RAB27A: variants seen among roughly 807,000 people sequenced by gnomAD.
The protein encoded by RAB27A is ras-related protein Rab-27A.
In RAB27A, 17 loss-of-function variants were observed where a neutral mutation model predicts 20.8. The ratio of observed to expected loss-of-function variants is 0.82; its 90% CI spans 0.56 to 1.23. The LOEUF (loss-of-function observed/expected upper bound fraction) is 1.23. RAB27A is among the 50% of genes most tolerant of loss of function. The pLI is 0.00. For missense variants in RAB27A, 277 were observed against 266.7 expected, an observed-to-expected ratio of 1.04 and a Z score of -0.27; for synonymous variants, 85 against 92.8, an observed-to-expected ratio of 0.92 and a Z score of 0.48.
intron 2 of RAB27A, among the ~76,000 whole-genome samples, chr15:55,246,913 G>A (rs1343446080): frequency 1.3e-5 from 2 of 151,952 alleles, no homozygotes; most frequent in African/African-American, 2.4e-5. Flanking sequence ...CACAGACTTC[G>A]GAGTCAAGTT....
intron 2 of RAB27A, among the ~76,000 whole-genome samples, chr15:55,252,839 T>C (rs1183259703): frequency 6.6e-6 from 1 of 152,120 alleles, no homozygotes; most frequent in East Asian, 1.9e-4. Context: ...GCCAACCAGT[T>C]TGAAAGGCTC....
intron 5 of RAB27A, among the ~76,000 whole-genome samples, chr15:55,226,175 G>C (rs1895787397): frequency 2.0e-5 from 3 of 152,178 alleles, no homozygotes; most frequent in Admixed American, 1.3e-4. Flanking sequence ...TGGATGAAGA[G>C]TGACTCTGGG....
At chr15:55,312,261 G>A (rs967055638) in intron 2 of RAB27A, among the ~76,000 whole-genome samples, 13 of 152,156 alleles carry the variant, frequency 8.5e-5, no homozygotes, top group Non-Finnish European at 1.0e-4. Flanking sequence ...GGTGGACGGC[G>A]AGCAAAAGCT....
At chr15:55,296,115 C>T (rs2054948286) in intron 2 of RAB27A, among the ~76,000 whole-genome samples, 1 of 150,528 alleles carries the variant, frequency 6.6e-6, no homozygotes, top group South Asian at 2.2e-4. Flanking sequence ...AGGCTGGTCT[C>T]GAACTCCTGA....
Position 55,261,396 on chromosome 15 carries a change from CA to C in RAB27A, c.-23+8768del, listed in dbSNP as rs112564599. The stretch of plus-strand genomic sequence containing the variant: ...TGGGTGACAGAGTTAGACTCTGTCT[CA>C]AAAAAAAATAAAAATAATAAATAAA... On this transcript the variant is annotated intron_variant, in intron 2 of 6. Coordinates refer to ENST00000336787, the MANE Select transcript of RAB27A (RefSeq NM_183235.3). Among the ~76,000 whole-genome samples the C allele has an allele frequency of 2.6e-3, 378 of 147,018 alleles. 5 individuals are homozygous for C. Among genetic ancestry groups the C allele is most frequent in the African/African-American group, 8.9e-3 (355 of 40,022 alleles).
chr15:55,261,962 A>G (rs149018627), intron 2 of RAB27A, among the ~76,000 whole-genome samples: 6,411 of 151,062 alleles, frequency 0.042, 154 homozygotes, highest in African/African-American at 0.053. Flanking sequence ...GCTTGAACTC[A>G]GGAGACAGAG....
chr15:55,226,662 G>A (rs1368374861), intron 5 of RAB27A, among the ~76,000 whole-genome samples: 1 of 152,078 alleles, frequency 6.6e-6, no homozygotes, highest in Non-Finnish European at 1.5e-5. Flanking sequence ...CTGAGGTCAG[G>A]AGTTGGATGA....
intron 2 of RAB27A, among the ~76,000 whole-genome samples, chr15:55,309,512 C>T (rs943310009): frequency 3.3e-5 from 5 of 152,202 alleles, no homozygotes; most frequent in African/African-American, 4.8e-5. Flanking sequence ...GCTTAAGTCT[C>T]GGGTTAATGC....
chr15:55,313,658 C>T (rs1318306919), intron 2 of RAB27A, among the ~76,000 whole-genome samples: 1 of 152,278 alleles, frequency 6.6e-6, no homozygotes. Context: ...GGTATCACTT[C>T]AGGTCAGGAG....
intron 6 of RAB27A, among the ~76,000 whole-genome samples, chr15:55,210,427 A>ATTTTT (rs1894968220): frequency 8.6e-6 from 1 of 115,824 alleles, no homozygotes; most frequent in African/African-American, 3.4e-5. Flanking sequence ...TTTTTTTTTG[A>ATTTTT]GGGGGGGGGA....
intron 1 of RAB27A, among the ~76,000 whole-genome samples, chr15:55,280,531 T>A (rs1021481364): frequency 4.0e-5 from 5 of 124,782 alleles, no homozygotes; most frequent in African/African-American, 1.6e-4. Context: ...ATATATACTT[T>A]AAGTTCTAGG....
intron 2 of RAB27A, among the ~76,000 whole-genome samples, chr15:55,242,778 C>T (rs533260638): frequency 6.6e-6 from 1 of 152,118 alleles, no homozygotes; most frequent in African/African-American, 2.4e-5. Context: ...CCTAGGAGTA[C>T]CCATCAGTTG....
chr15:55,292,962 G>A (rs1260121508), upstream of RAB27A, among the ~76,000 whole-genome samples: 1 of 152,162 alleles, frequency 6.6e-6, no homozygotes, highest in African/African-American at 2.4e-5. Context: ...GAGGTAGGAA[G>A]AAAACAAGGA....
intron 2 of RAB27A, among the ~76,000 whole-genome samples, chr15:55,255,438 A>G (rs1208957141): frequency 6.6e-6 from 1 of 152,100 alleles, no homozygotes; most frequent in Non-Finnish European, 1.5e-5. Flanking sequence ...GAAGAGTCTC[A>G]TTTTGTGTAT....
At chr15:55,243,729 T>C (rs745531343) in intron 2 of RAB27A, among the ~76,000 whole-genome samples, 3 of 152,170 alleles carry the variant, frequency 2.0e-5, no homozygotes, top group African/African-American at 4.8e-5. Flanking sequence ...TGAATACTTA[T>C]TATATGCTAG....
intron 2 of RAB27A, among the ~76,000 whole-genome samples, chr15:55,239,563 A>G (rs918184990): frequency 6.6e-6 from 1 of 152,150 alleles, no homozygotes; most frequent in African/African-American, 2.4e-5. Flanking sequence ...GGAGAAGATG[A>G]CAGATAACAG....
Position 55,234,974 on chromosome 15 carries a change from A to C in RAB27A, c.-22-18T>G, listed in dbSNP as rs761437326. On this transcript the variant is annotated intron_variant, in intron 2 of 6. Coordinates refer to ENST00000336787, the MANE Select transcript of RAB27A (RefSeq NM_183235.3). ...TAGTTCACCTGTAAAATACACACAA[A>C]ATTTTTTAATTAAAATCCATTAGAA... is the stretch of plus-strand genomic sequence containing the variant. The C allele has an allele frequency of 2.6e-6, 4 of 1,559,884 alleles. No homozygotes were observed. In the East Asian group the frequency reaches 7.0e-5, roughly 27 times the overall value.
Position 55,317,529 on chromosome 15 carries a change from G to A in RAB27A, c.-234+1402C>T, listed in dbSNP as rs1257614224. ...AGGGTTTCACCATGTTGGTCAGGCT[G>A]GTCTTGAACTCCTGACCACCTGATC... On this transcript the variant is annotated intron_variant, in intron 1 of 5. Transcript: ENST00000563262. 16 of 355,684 alleles carry A rather than the reference G, an allele frequency of 4.5e-5. 1 individual carries two copies. The highest frequency in any genetic ancestry group is 5.5e-5 in the Non-Finnish European group (11 of 198,632). 22.0% of individuals were successfully genotyped at this position (355,684 alleles called of 1,614,324 possible).
chr15:55,264,804 T>G (rs1897402948), intron 2 of RAB27A, among the ~76,000 whole-genome samples: 1 of 152,164 alleles, frequency 6.6e-6, no homozygotes, highest in Non-Finnish European at 1.5e-5. Flanking sequence ...ATTTAAGCAG[T>G]AGCTCATGAG....
Sources: allele counts gnomAD v4.1 joint callset (sites outside exome capture counted in the v4.1 genomes callset), GRCh38; gene constraint gnomAD v4.1.1; transcripts MANE v1.5; gene names NCBI Gene and HGNC (gene_info 2026-07-23, HGNC 2026-07-21).